The following MPPED2 variants were observed in gnomAD, a reference collection of about 807,000 sequenced individuals.
MPPED2 encodes metallophosphoesterase domain containing 2, also known as metallophosphoesterase MPPED2.
A neutral mutation model predicts 33.0 loss-of-function variants in MPPED2; 5 were observed. The observed-to-expected ratio is 0.15, with a 90% CI of 0.08 to 0.32. The LOEUF (loss-of-function observed/expected upper bound fraction) is 0.32, where lower values mean the gene tolerates loss of function less well. Ranked by LOEUF, MPPED2 falls within the 10% of genes least tolerant of loss-of-function variation. The pLI is 1.00. For synonymous variants in MPPED2, 136 were observed against 141.9 expected (o/e 0.96, Z 0.29); for missense variants, 275 against 372.1 (o/e 0.74, Z 2.15).
chr11:30,508,308 C>T (rs1176289689), intron 3 of MPPED2, among the ~76,000 whole-genome samples: 5 of 152,060 alleles, frequency 3.3e-5, no homozygotes. Flanking sequence ...GTCTTTGTTC[C>T]TAGACATGTG....
At chr11:30,585,666 G>C (rs979214384) in intron 1 of MPPED2, among the ~76,000 whole-genome samples, 2 of 152,178 alleles carry the variant, frequency 1.3e-5, no homozygotes, top group Admixed American at 1.3e-4. Context: ...GCGGAGGAGG[G>C]AGCGAAGAGG....
chr11:30,418,278 C>T (rs933785283), intron 4 of MPPED2, among the ~76,000 whole-genome samples: 14 of 152,148 alleles, frequency 9.2e-5, no homozygotes, highest in Admixed American at 5.9e-4. Context: ...TGGGGACATC[C>T]CTGGTCACTC....
chr11:30,412,359 A>C (rs1948146795), intron 6 of MPPED2, among the ~76,000 whole-genome samples: 1 of 151,828 alleles, frequency 6.6e-6, no homozygotes. Flanking sequence ...TTTCAATATG[A>C]TAAAATGTTT....
intron 2 of MPPED2, among the ~76,000 whole-genome samples, chr11:30,536,380 G>A (rs1425727875): frequency 2.0e-5 from 3 of 152,078 alleles, no homozygotes; most frequent in Non-Finnish European, 4.4e-5. Context: ...AATTCAAAAG[G>A]ACTTACTTAC....
intron 2 of MPPED2, among the ~76,000 whole-genome samples, chr11:30,579,036 G>A (rs1957050385): frequency 7.2e-6 from 1 of 139,824 alleles, no homozygotes; most frequent in Admixed American, 7.6e-5. Flanking sequence ...CAAGCATGCT[G>A]CTTTAAAACG....
At chr11:30,487,615 G>A (rs916535362) in intron 4 of MPPED2, among the ~76,000 whole-genome samples, 2 of 151,900 alleles carry the variant, frequency 1.3e-5, no homozygotes, top group Non-Finnish European at 2.9e-5. Context: ...CAAGTAGCTG[G>A]GACTACAAGC....
At chr11:30,386,884 C>T in exon 7 of MPPED2, 1 of 397,772 alleles carries the variant, frequency 2.5e-6, no homozygotes, top group Non-Finnish European at 4.4e-6. Flanking sequence ...ATAGCCAACA[C>T]TTATTAAGCA....
chr11:30,447,517 G>A (rs191680861), intron 4 of MPPED2, among the ~76,000 whole-genome samples: 54 of 152,284 alleles, frequency 3.5e-4, no homozygotes, highest in Admixed American at 1.2e-3. Flanking sequence ...GCTGAGACCA[G>A]TTGTAATAGG....
chr11:30,559,619 G>A (rs865921431), intron 2 of MPPED2, among the ~76,000 whole-genome samples: 15 of 152,102 alleles, frequency 9.9e-5, no homozygotes, highest in African/African-American at 2.2e-4. Context: ...ACAAAATTGC[G>A]TATCTCCTTC....
At chr11:30,585,392 C>T (rs1314095139) in intron 1 of MPPED2, among the ~76,000 whole-genome samples, 1 of 151,814 alleles carries the variant, frequency 6.6e-6, no homozygotes, top group Non-Finnish European at 1.5e-5. Flanking sequence ...CGCGGGCGGC[C>T]CCGGGGGCGG....
rs534124467 is a variant in MPPED2, at chr11:30,414,785, A to G, written c.653-444T>C. Reference sequence around the variant, plus strand: ...GAGCTGCCTGTAAACTGGTCACAAGATACCCAGCTCTCTTTAGATACACTA... The same window carrying G: ...GAGCTGCCTGTAAACTGGTCACAAGGTACCCAGCTCTCTTTAGATACACTA... On this transcript the variant is annotated intron_variant, in intron 5 of 6. Coordinates refer to ENST00000358117, the MANE Select transcript of MPPED2 (RefSeq NM_001584.3). Among the ~76,000 whole-genome samples, 13 of 152,274 alleles carry G rather than the reference A, an allele frequency of 8.5e-5. 1 individual carries two copies. The South Asian group carries it at 2.7e-3, about 32-fold the overall frequency.
intron 6 of MPPED2, among the ~76,000 whole-genome samples, chr11:30,395,320 GAAGAT>G (rs1203312524): frequency 2.6e-5 from 4 of 152,014 alleles, no homozygotes; most frequent in African/African-American, 9.7e-5. Context: ...TCCCATTTTT[GAAGAT>G]AAGATAACTG....
chr11:30,489,052 C>CT (rs35619209), intron 4 of MPPED2, among the ~76,000 whole-genome samples: 72 of 141,228 alleles, frequency 5.1e-4, no homozygotes, highest in Admixed American at 9.7e-4. Context: ...TCTTCTTCTC[C>CT]TTTTTTTTTT....
Position 30,547,562 on chromosome 11 carries a change from G to A in MPPED2, c.129-11387C>T, listed in dbSNP as rs922794209. 4.6e-5 allele frequency among the ~76,000 whole-genome samples: 7 copies of A among 152,284 alleles called. 1 individual carries two copies. The highest frequency in any genetic ancestry group is 3.4e-3 in the Middle Eastern group (1 of 294). On this transcript the variant is annotated intron_variant, in intron 2 of 6. Transcript: ENST00000358117. ...CTGGATTCTGGCCTATCTAAACCAT[G>A]AGCCTATGTTCTTTGTATTGTATAA...
At position 30,443,761 on chromosome 11, in the gene MPPED2, T is replaced by C. The variant is rs570701703; in HGVS notation, c.537-26128A>G. On this transcript the variant is annotated intron_variant, in intron 4 of 6. Transcript: ENST00000358117. ...GATGACCAGTAACTAGCGTGATGGA[T>C]TTTTGTGTTTACTTGAAGATAGTAT... 2.0e-5 allele frequency among the ~76,000 whole-genome samples: 3 copies of C among 152,308 alleles called. No homozygotes were observed. The South Asian group carries it at 6.2e-4, about 32-fold the overall frequency.
intron 4 of MPPED2, among the ~76,000 whole-genome samples, chr11:30,480,895 T>G (rs754497317): frequency 1.1e-4 from 17 of 152,046 alleles, no homozygotes; most frequent in Non-Finnish European, 1.9e-4. Context: ...TAGCCCACAC[T>G]CTATCTCCAC....
rs368876039 is a variant in MPPED2 at position 30,389,023 on chromosome 11, GT to G, written c.767-68del. ...AGATGAACATGACCTAAATTATTCA[GT>G]TTTCTCTCTGATGGTGTCTTGATTA... On this transcript the variant is annotated intron_variant, in intron 6 of 6. Transcript: ENST00000448418. 1.9e-4 allele frequency: 283 copies of G among 1,487,298 alleles called. 2 individuals are homozygous for G. The East Asian group carries it at 2.0e-3, about 11-fold the overall frequency. The allele number at this position is 1,487,298 out of a possible 1,614,324, so 92.1% of individuals were successfully genotyped here.
rs1234735468 is a variant in MPPED2 at position 30,563,677 on chromosome 11, G to T, written c.128+16569C>A. On this transcript the variant is annotated intron_variant, in intron 2 of 6. Transcript: ENST00000358117. ...ACTCTAAAGAGGGTGGGGAGATTCTGAGTTCAGAGAGAATTTACTGTGAGG... is the reference window on the plus strand; with the variant it reads ...ACTCTAAAGAGGGTGGGGAGATTCTTAGTTCAGAGAGAATTTACTGTGAGG... Among the ~76,000 whole-genome samples the T allele has an allele frequency of 3.9e-5, 6 of 152,318 alleles. No homozygotes were observed. In the South Asian group the frequency reaches 1.0e-3, roughly 26 times the overall value.
chr11:30,513,261 T>C (rs1323162653), intron 3 of MPPED2, among the ~76,000 whole-genome samples: 1 of 152,180 alleles, frequency 6.6e-6, no homozygotes, highest in East Asian at 1.9e-4. Context: ...CTAGTTCCTC[T>C]ATAAAGGGAA....
Sources: allele counts gnomAD v4.1 joint callset (sites outside exome capture counted in the v4.1 genomes callset), GRCh38; gene constraint gnomAD v4.1.1; transcripts MANE v1.5; gene names NCBI Gene and HGNC (gene_info 2026-07-23, HGNC 2026-07-21).